DOK6: variants seen among roughly 807,000 people sequenced by gnomAD.
DOK6 encodes downstream of tyrosine kinase 6.
A neutral mutation model predicts 44.0 loss-of-function variants in DOK6; 22 were observed. That is an observed-to-expected ratio of 0.50 (90% CI 0.36 to 0.71). The LOEUF (loss-of-function observed/expected upper bound fraction) is 0.71. DOK6 is among the 30% of genes least tolerant of loss of function. DOK6 has a pLI of 0.00. For missense variants in DOK6, 340 were observed against 416.4 expected (o/e 0.82, Z 1.60); for synonymous variants, 166 against 145.5 (o/e 1.14, Z -1.01).
rs370195337 is a variant in DOK6, at chr18:69,770,155, T to G, written c.856+12282T>G. Among the ~76,000 whole-genome samples, 5 of 152,244 alleles carry G rather than the reference T, an allele frequency of 3.3e-5. No homozygotes were observed. In the East Asian group the frequency reaches 9.6e-4, roughly 29 times the overall value. On this transcript the variant is annotated intron_variant, in intron 7 of 7. Transcript: ENST00000382713. ...CATTTTCAGCTTGGCTGATATTTAC[T>G]CAGCACTTGACAGTTTCATGATATT...
chr18:69,821,525 G>A (rs148348125), intron 7 of DOK6, among the ~76,000 whole-genome samples: 4 of 152,224 alleles, frequency 2.6e-5, no homozygotes, highest in Admixed American at 2.6e-4. Context: ...ATCTTTAAAA[G>A]TACCCTATTG....
At chr18:69,824,077 G>C (rs1981659610) in intron 7 of DOK6, among the ~76,000 whole-genome samples, 1 of 151,314 alleles carries the variant, frequency 6.6e-6, no homozygotes, top group Non-Finnish European at 1.5e-5. Flanking sequence ...TAAGTTTTAG[G>C]GTACATGTGC....
intron 1 of DOK6, among the ~76,000 whole-genome samples, chr18:69,417,229 CT>C (rs1213305783): frequency 6.6e-6 from 1 of 152,110 alleles, no homozygotes; most frequent in African/African-American, 2.4e-5. Context: ...CTCCCTACTA[CT>C]TTTCCTAGCC....
chr18:69,421,878 TC>T (rs1978502598), intron 1 of DOK6, among the ~76,000 whole-genome samples: 1 of 37,520 alleles, frequency 2.7e-5, no homozygotes, highest in Admixed American at 3.2e-4. Flanking sequence ...CATCCCAGCT[TC>T]CTCACCTGGA....
chr18:69,493,234 C>T (rs1396484250), intron 1 of DOK6, among the ~76,000 whole-genome samples: 1 of 152,048 alleles, frequency 6.6e-6, no homozygotes. Flanking sequence ...TATTTAATCC[C>T]TTTTGTAAAC....
chr18:69,413,161 G>T (rs911588751), intron 1 of DOK6, among the ~76,000 whole-genome samples: 3 of 152,080 alleles, frequency 2.0e-5, no homozygotes, highest in Non-Finnish European at 2.9e-5. Context: ...AAATCAGCAA[G>T]TGTCAGCTTC....
intron 3 of DOK6, among the ~76,000 whole-genome samples, chr18:69,669,343 A>T (rs74438327): frequency 0.03 from 4,531 of 152,288 alleles, 85 homozygotes; most frequent in Middle Eastern, 0.092. Flanking sequence ...TAAAAGTGAG[A>T]ACATGCAATA....
rs149543745 is a variant in DOK6, at chr18:69,484,341, C to T, written c.67-80146C>T. ...GGAATCCAAATAAATGTTTCAGCTT[C>T]GTATGCCTGCATAGAGATACTCAGT... On this transcript the variant is annotated intron_variant, in intron 1 of 7. Coordinates refer to ENST00000382713, the MANE Select transcript of DOK6 (RefSeq NM_152721.6). 1.0e-3 allele frequency among the ~76,000 whole-genome samples: 156 copies of T among 152,206 alleles called. 1 individual carries two copies. The highest frequency in any genetic ancestry group is 2.7e-3 in the African/African-American group (112 of 41,534).
At chr18:69,804,740 T>C (rs1471950740) in intron 7 of DOK6, among the ~76,000 whole-genome samples, 1 of 152,180 alleles carries the variant, frequency 6.6e-6, no homozygotes, top group Non-Finnish European at 1.5e-5. Context: ...CCAAACCAGT[T>C]CAGCCTTCAA....
At chr18:69,813,980 C>G (rs555917360) in intron 7 of DOK6, among the ~76,000 whole-genome samples, 1 of 152,052 alleles carries the variant, frequency 6.6e-6, no homozygotes, top group Non-Finnish European at 1.5e-5. Flanking sequence ...ATACATGTTA[C>G]TACCTCGATT....
intron 2 of DOK6, among the ~76,000 whole-genome samples, chr18:69,573,928 G>A (rs964162014): frequency 1.3e-5 from 2 of 151,916 alleles, no homozygotes; most frequent in African/African-American, 4.8e-5. Context: ...AAGCAAGTCT[G>A]AATTGCTCAA....
At chr18:69,737,904 CAA>C (rs1978667042) in intron 5 of DOK6, among the ~76,000 whole-genome samples, 5 of 152,176 alleles carry the variant, frequency 3.3e-5, no homozygotes, top group Admixed American at 3.3e-4. Context: ...CAACCTCAAA[CAA>C]GATGCACTCG....
chr18:69,636,591 T>A (rs1355909193), intron 3 of DOK6, among the ~76,000 whole-genome samples: 1 of 152,224 alleles, frequency 6.6e-6, no homozygotes, highest in South Asian at 2.1e-4. Flanking sequence ...AGAAGAGTTG[T>A]CTTAGTGACC....
At chr18:69,551,557 C>A (rs1040259982) in intron 1 of DOK6, among the ~76,000 whole-genome samples, 1 of 152,014 alleles carries the variant, frequency 6.6e-6, no homozygotes, top group Non-Finnish European at 1.5e-5. Flanking sequence ...AAAGAATGGA[C>A]CCATATGGTA....
In DOK6 at chr18:69,842,895, T is replaced by G. The variant is rs1568143386; in HGVS notation, c.*1512T>G. ...AGGTCACGCAAGATGAAAACCCAGG[T>G]TTTTTTTTTCTTAATAGGAAAATTT... On this transcript the variant is annotated 3_prime_UTR_variant, in exon 8 of 8. Coordinates refer to ENST00000382713, the MANE Select transcript of DOK6 (RefSeq NM_152721.6). 6.7e-6 allele frequency: 1 copy of G among 149,484 alleles called. No homozygotes were observed. The highest frequency in any genetic ancestry group is 1.5e-5 in the Non-Finnish European group (1 of 67,082). 9.3% of individuals were successfully genotyped at this position (149,484 alleles called of 1,614,324 possible).
chr18:69,480,174 T>C (rs920449052), intron 1 of DOK6, among the ~76,000 whole-genome samples: 5 of 152,154 alleles, frequency 3.3e-5, no homozygotes, highest in African/African-American at 1.2e-4. Context: ...AGATGAATGA[T>C]AAATTTTAGT....
At chr18:69,680,821 T>C (rs945241694) in intron 4 of DOK6, among the ~76,000 whole-genome samples, 3 of 152,202 alleles carry the variant, frequency 2.0e-5, no homozygotes, top group Non-Finnish European at 4.4e-5. Flanking sequence ...AGTAGGTAGC[T>C]ATTTCTTAGA....
Position 69,671,022 on chromosome 18 carries a change from A to G in DOK6, c.290-6712A>G, listed in dbSNP as rs193038993. Among the ~76,000 whole-genome samples the G allele has an allele frequency of 1.4e-3, 218 of 152,030 alleles. 2 individuals are homozygous for G. The highest frequency in any genetic ancestry group is 2.2e-3 in the Non-Finnish European group (151 of 67,956). On this transcript the variant is annotated intron_variant, in intron 3 of 7. Coordinates refer to ENST00000382713, the MANE Select transcript of DOK6 (RefSeq NM_152721.6). ...ACACGCGCACACATACACACACACTACACCATTCTTTTCAGATCATTTACT... is the reference window on the plus strand; with the variant it reads ...ACACGCGCACACATACACACACACTGCACCATTCTTTTCAGATCATTTACT...
At chr18:69,401,750 A>G (rs1303861186) in intron 1 of DOK6, among the ~76,000 whole-genome samples, 1 of 152,034 alleles carries the variant, frequency 6.6e-6, no homozygotes, top group Non-Finnish European at 1.5e-5. Context: ...CCCAAGCTCA[A>G]TTCGAAATTC....
Sources: gnomAD v4.1 joint callset for allele counts (sites outside exome capture counted in the v4.1 genomes callset) on GRCh38, gnomAD v4.1.1 for gene constraint, MANE v1.5 for transcripts, NCBI Gene and HGNC (gene_info 2026-07-23, HGNC 2026-07-21) for gene names.